NBDY: variants seen among roughly 807,000 people sequenced by gnomAD.
NBDY encodes the protein P-body dissociating protein.
intron 2 of NBDY, among the ~76,000 whole-genome samples, chrX:56,763,816 C>T (rs2069651015): frequency 8.9e-6 from 1 of 112,562 alleles, no homozygotes; most frequent in African/African-American, 3.2e-5. Context: ...TTTCACTCCT[C>T]TGTCTTTTTT....
intron 2 of NBDY, among the ~76,000 whole-genome samples, chrX:56,801,977 G>GACACAC (rs5902560): frequency 9.0e-5 from 9 of 99,621 alleles, no homozygotes; most frequent in Middle Eastern, 5.1e-3. Context: ...CAAACTCATA[G>GACACAC]ACACACACAC....
chrX:56,785,421 TCAGA>T (rs1349841082), intron 2 of NBDY, among the ~76,000 whole-genome samples: 1 of 111,112 alleles, frequency 9.0e-6, no homozygotes, highest in African/African-American at 3.3e-5. Flanking sequence ...CCATAGTTCC[TCAGA>T]CAAATACACG....
At chrX:56,740,677 T>C (rs1364047638) in intron 2 of NBDY, among the ~76,000 whole-genome samples, 2 of 111,479 alleles carry the variant, frequency 1.8e-5, no homozygotes, top group East Asian at 5.6e-4. Context: ...TTTTAGGAAC[T>C]CTTTTTATCT....
At chrX:56,748,054 G>C (rs547221193) in intron 2 of NBDY, among the ~76,000 whole-genome samples, 2 of 111,282 alleles carry the variant, frequency 1.8e-5, no homozygotes, top group African/African-American at 6.5e-5. Context: ...AATTTATTCA[G>C]GGAGACCTTA....
At chrX:56,736,371 T>A (rs780608803) in intron 2 of NBDY, among the ~76,000 whole-genome samples, 217 of 111,526 alleles carry the variant, frequency 1.9e-3, no homozygotes, top group African/African-American at 6.6e-3. Flanking sequence ...GTCAAGCAAT[T>A]CTCCTGCCGC....
intron 1 of NBDY, among the ~76,000 whole-genome samples, chrX:56,730,143 G>A (rs953445441): frequency 4.6e-5 from 5 of 109,619 alleles, no homozygotes; most frequent in African/African-American, 6.6e-5. Context: ...GTGCCATAAT[G>A]TTTGCTTGTT....
chrX:56,761,398 A>G (rs2069636423), intron 2 of NBDY, among the ~76,000 whole-genome samples: 2 of 112,998 alleles, frequency 1.8e-5, no homozygotes, highest in African/African-American at 6.4e-5. Flanking sequence ...GGGTGGAGAC[A>G]GCAGGGAGCA....
intron 2 of NBDY, among the ~76,000 whole-genome samples, chrX:56,736,841 A>G (rs2069496882): frequency 8.9e-6 from 1 of 112,235 alleles, no homozygotes; most frequent in Non-Finnish European, 1.9e-5. Context: ...TGCAAAATCA[A>G]ATCTATTTGG....
intron 2 of NBDY, among the ~76,000 whole-genome samples, chrX:56,805,856 A>G (rs1051968130): frequency 3.6e-5 from 4 of 111,318 alleles, no homozygotes; most frequent in African/African-American, 1.3e-4. Flanking sequence ...GTTCTGGGGT[A>G]CATGTGCAGA....
intron 2 of NBDY, among the ~76,000 whole-genome samples, chrX:56,788,496 G>T (rs903747306): frequency 1.8e-5 from 2 of 112,717 alleles, no homozygotes; most frequent in African/African-American, 3.2e-5. Flanking sequence ...CCAGGATGGT[G>T]CCCTGGCTCC....
chrX:56,788,577 C>T (rs1488117364), intron 2 of NBDY, among the ~76,000 whole-genome samples: 4 of 111,179 alleles, frequency 3.6e-5, no homozygotes, highest in Admixed American at 9.4e-5. Flanking sequence ...CAGGAACTGC[C>T]GGGCATGAGT....
intron 2 of NBDY, among the ~76,000 whole-genome samples, chrX:56,815,541 A>C (rs2069906976): frequency 8.9e-6 from 1 of 111,802 alleles, no homozygotes; most frequent in Non-Finnish European, 1.9e-5. Flanking sequence ...TGTTTACTGA[A>C]ACATTTGAAA....
intron 2 of NBDY, among the ~76,000 whole-genome samples, chrX:56,756,237 C>T (rs1360489580): frequency 9.2e-6 from 1 of 108,378 alleles, no homozygotes; most frequent in Non-Finnish European, 1.9e-5. Flanking sequence ...CACATGTATA[C>T]ATATGTAACT....
chrX:56,739,236 GTGTATATATATA>G (rs1314205971), intron 2 of NBDY, among the ~76,000 whole-genome samples: 62 of 58,062 alleles, frequency 1.1e-3, no homozygotes, highest in African/African-American at 3.9e-3. Flanking sequence ...GTGTTTGTGT[GTGTATATATATA>G]TATATATATA....
intron 2 of NBDY, among the ~76,000 whole-genome samples, chrX:56,794,297 C>A (rs749976487): frequency 8.9e-6 from 1 of 112,153 alleles, no homozygotes; most frequent in Non-Finnish European, 1.9e-5. Context: ...TCAGAAACAC[C>A]TTCTGCTGGA....
intron 2 of NBDY, among the ~76,000 whole-genome samples, chrX:56,753,653 T>G (rs1011437632): frequency 1.8e-5 from 2 of 110,452 alleles, no homozygotes; most frequent in African/African-American, 6.6e-5. Flanking sequence ...CAAAAAAAAG[T>G]AAAAAAGGTA....
At chrX:56,756,757 G>A (rs2069613297) in intron 2 of NBDY, among the ~76,000 whole-genome samples, 1 of 111,474 alleles carries the variant, frequency 9.0e-6, no homozygotes, top group Non-Finnish European at 1.9e-5. Context: ...TTGAGGTCAG[G>A]AGTTTGAGAC....
intron 2 of NBDY, among the ~76,000 whole-genome samples, chrX:56,759,159 T>A (rs1199058216): frequency 2.7e-5 from 3 of 112,165 alleles, no homozygotes; most frequent in Non-Finnish European, 5.6e-5. Context: ...GACAATGTGG[T>A]AATCTCAACC....
intron 2 of NBDY, among the ~76,000 whole-genome samples, chrX:56,796,056 G>A (rs141025580): frequency 2.8e-3 from 318 of 111,671 alleles, no homozygotes; most frequent in African/African-American, 9.6e-3. Flanking sequence ...CCTCTAGGCC[G>A]CTCTCAGTGG....
Sources: gnomAD v4.1 joint callset for allele counts (sites outside exome capture counted in the v4.1 genomes callset) on GRCh38, gnomAD v4.1.1 for gene constraint, MANE v1.5 for transcripts, NCBI Gene and HGNC (gene_info 2026-07-23, HGNC 2026-07-21) for gene names.